Variants in SPATA22 observed in about 807,000 individuals in gnomAD.
SPATA22 encodes spermatogenesis-associated protein 22.
SPATA22 carries 29 observed loss-of-function variants against 47.8 expected under a neutral mutation model. That is an observed-to-expected ratio of 0.61 (90% CI 0.45 to 0.83). The LOEUF (loss-of-function observed/expected upper bound fraction) is 0.83. SPATA22 is among the 40% of genes least tolerant of loss of function. The pLI is 0.00. For synonymous variants in SPATA22, 133 were observed against 140.9 expected (o/e 0.94, Z 0.40); for missense variants, 410 against 421.7 (o/e 0.97, Z 0.24).
Position 3,471,799 on chromosome 17 carries a change from C to A in SPATA22, c.-191G>T, listed in dbSNP as rs1389354308. On this transcript the variant is annotated 5_prime_UTR_variant, in exon 1 of 9. Coordinates refer to ENST00000572969, the MANE Select transcript of SPATA22 (RefSeq NM_001170698.2). ...GTCAGCAACCGCCGCCCTTCCCGCC[C>A]GCGAAGAAAGCGCGGGAATCAGGCT... 4.1e-6 allele frequency: 4 copies of A among 985,394 alleles called. No homozygotes were observed. Among genetic ancestry groups the A allele is most frequent in the South Asian group, 4.7e-5 (1 of 21,296 alleles). 61.0% of individuals were successfully genotyped at this position (985,394 alleles called of 1,614,324 possible).
intron 1 of SPATA22, among the ~76,000 whole-genome samples, chr17:3,487,763 G>T (rs2073752562): frequency 6.6e-6 from 1 of 152,196 alleles, no homozygotes; most frequent in African/African-American, 2.4e-5. Flanking sequence ...GAAATGGAGA[G>T]AAATTTACCT....
At chr17:3,464,781 C>T (rs1476150772) in intron 3 of SPATA22, among the ~76,000 whole-genome samples, 9 of 131,706 alleles carry the variant, frequency 6.8e-5, no homozygotes, top group South Asian at 2.4e-4. Flanking sequence ...CCCCTCCGCC[C>T]GGCAGCCGCC....
At chr17:3,474,329 G>A, upstream of SPATA22, among the ~76,000 whole-genome samples, 1 of 152,252 alleles carries the variant, frequency 6.6e-6, no homozygotes, top group Admixed American at 6.5e-5. Flanking sequence ...CAAGTCATTT[G>A]TGCCAGCTAC....
chr17:3,491,786 A>C (rs533228524), intron 1 of SPATA22, among the ~76,000 whole-genome samples: 1 of 152,266 alleles, frequency 6.6e-6, no homozygotes, highest in East Asian at 1.9e-4. Context: ...TACATTAGAA[A>C]GAAATTCAAC....
chr17:3,477,951 G>A (rs867606160), intron 1 of SPATA22, among the ~76,000 whole-genome samples: 1 of 151,748 alleles, frequency 6.6e-6, no homozygotes, highest in Non-Finnish European at 1.5e-5. Context: ...GGGAGGCTGA[G>A]GCAGGCAGAT....
chr17:3,474,641 TTCTC>T (rs1219846059), upstream of SPATA22, among the ~76,000 whole-genome samples: 6 of 152,380 alleles, frequency 3.9e-5, no homozygotes, highest in African/African-American at 1.2e-4. Flanking sequence ...TTATTTTGCT[TTCTC>T]TATCTCTGCA....
At chr17:3,454,228 A>C (rs1024909023) in intron 5 of SPATA22, among the ~76,000 whole-genome samples, 4 of 150,488 alleles carry the variant, frequency 2.7e-5, no homozygotes, top group African/African-American at 9.7e-5. Context: ...ACCTGAAGAC[A>C]AAATAAATGA....
intron 5 of SPATA22, among the ~76,000 whole-genome samples, chr17:3,455,852 T>C (rs944717011): frequency 3.3e-5 from 5 of 151,984 alleles, no homozygotes; most frequent in Non-Finnish European, 7.4e-5. Context: ...GGTAGCTTGA[T>C]GGGGATGGCA....
chr17:3,443,727 C>G (rs1013923939), intron 7 of SPATA22, among the ~76,000 whole-genome samples: 9 of 151,980 alleles, frequency 5.9e-5, no homozygotes, highest in African/African-American at 2.2e-4. Flanking sequence ...TTTGAGCAAA[C>G]TGGGTATTAA....
At chr17:3,489,111 TAC>T (rs1434005081) in intron 1 of SPATA22, 4 of 676,904 alleles carry the variant, frequency 5.9e-6, no homozygotes, top group African/African-American at 1.8e-5. Context: ...TCCATGATGC[TAC>T]ATGGTTTACC....
chr17:3,471,945 T>C, upstream of SPATA22: 3 of 812,584 alleles, frequency 3.7e-6, no homozygotes, highest in Non-Finnish European at 4.5e-6. Context: ...TCCTTGGCGT[T>C]CTCACACTGT....
At chr17:3,465,381 T>C (rs1482584747) in intron 3 of SPATA22, among the ~76,000 whole-genome samples, 1 of 151,856 alleles carries the variant, frequency 6.6e-6, no homozygotes, top group Non-Finnish European at 1.5e-5. Context: ...ATGGTTGCCG[T>C]GTCAGTGTAG....
At chr17:3,511,360 A>C (rs2074111071) in intron 1 of SPATA22, 1 of 152,220 alleles carries the variant, frequency 6.6e-6, no homozygotes, top group Non-Finnish European at 1.5e-5. Context: ...AAATAAATAA[A>C]TAATGGCTCA....
chr17:3,462,685 T>G (rs1441693844), intron 4 of SPATA22, 22 bp downstream of exon 4: 2 of 1,602,502 alleles, frequency 1.2e-6, no homozygotes, highest in African/African-American at 2.7e-5. Context: ...ACACATCCAA[T>G]GGTTTATATT....
At chr17:3,478,673 C>T (rs1189259323) in intron 1 of SPATA22, among the ~76,000 whole-genome samples, 3 of 152,170 alleles carry the variant, frequency 2.0e-5, no homozygotes, top group African/African-American at 7.2e-5. Context: ...ACTTTCTGCT[C>T]CTTACTGTTA....
In SPATA22 at chr17:3,495,608, G is replaced by A. The variant is rs567269414; in HGVS notation, c.-74+17804C>T. Among the ~76,000 whole-genome samples the A allele has an allele frequency of 4.6e-5, 7 of 152,202 alleles. No individual in the cohort carries two copies. In the South Asian group the frequency reaches 6.2e-4, roughly 14 times the overall value. On this transcript the variant is annotated intron_variant, in intron 1 of 8. Transcript: ENST00000541913. Reference sequence around the variant, plus strand: ...TTTTGAGATGGAGTCTCGCTCTGTCGCCCAGGCTGGAGTGCAGTGGTGCAA... The same window carrying A: ...TTTTGAGATGGAGTCTCGCTCTGTCACCCAGGCTGGAGTGCAGTGGTGCAA...
chr17:3,499,530 ATGTGCTCACTCCTTGTCTC>A (rs148130849), intron 1 of SPATA22: 28,043 of 154,184 alleles, frequency 0.18, 2,792 homozygotes, highest in Middle Eastern at 0.3. Flanking sequence ...TTCCAACAGC[ATGTGCTCACTCCTTGTCTC>A]TGTGTCACCC....
chr17:3,440,300 A>G lies in SPATA22; in HGVS notation c.939T>C (p.His313=), dbSNP rs1169144073. The change falls in exon 9 of 9, where the codon CAT becomes CAC. Residue 313 remains histidine, a synonymous_variant. Coordinates refer to ENST00000572969, the MANE Select transcript of SPATA22 (RefSeq NM_001170698.2). ...ELPRLIRGRV[H]RCVGNYDQKK... is the part of the protein sequence containing the mutation. Reference sequence around the variant, plus strand: ...TCTGGTCATAGTTGCCAACACATCTATGAACTCGGCCTCTAATCAGTCTCG... The same window carrying G: ...TCTGGTCATAGTTGCCAACACATCTGTGAACTCGGCCTCTAATCAGTCTCG... 3 of 1,602,700 alleles carry G rather than the reference A, an allele frequency of 1.9e-6. No homozygotes were observed. Among genetic ancestry groups the G allele is most frequent in the East Asian group, 2.2e-5 (1 of 44,554 alleles).
In SPATA22 at chr17:3,488,004, C is replaced by T. The variant is rs2073758437; in HGVS notation, c.-73-18606G>A. Among the ~76,000 whole-genome samples, 1 of 151,950 alleles carries T rather than the reference C, an allele frequency of 6.6e-6. No individual in the cohort carries two copies. On this transcript the variant is annotated intron_variant, in intron 1 of 8. Transcript: ENST00000541913. This position sits in a 1 kb window ranked among gnomAD's most constrained non-coding sequence, Gnocchi z 6.1. ...TATGTTCATACATATATGCAAGAAACCTAAGCACAACAAATAAAAAATGAT... is the reference window on the plus strand; with the variant it reads ...TATGTTCATACATATATGCAAGAAATCTAAGCACAACAAATAAAAAATGAT...
Sources: allele counts gnomAD v4.1 joint callset (sites outside exome capture counted in the v4.1 genomes callset), GRCh38; gene constraint gnomAD v4.1.1; non-coding constraint Gnocchi (gnomAD v3.1); transcripts MANE v1.5; gene names NCBI Gene and HGNC (gene_info 2026-07-23, HGNC 2026-07-21).